SLC24A1: variants seen among roughly 807,000 people sequenced by gnomAD.
The protein encoded by SLC24A1 is solute carrier family 24 member 1.
In SLC24A1, 52 loss-of-function variants were observed where a neutral mutation model predicts 88.1. That is an observed-to-expected ratio of 0.59 (90% CI 0.47 to 0.74). The LOEUF is 0.74. SLC24A1 is among the 30% of genes least tolerant of loss of function. The probability of loss-of-function intolerance (pLI) is 0.00; values close to 1 mark genes in which losing one functional copy is unlikely to be tolerated. For synonymous variants in SLC24A1, 455 were observed against 498.0 expected (o/e 0.91, Z 1.15); for missense variants, 1,173 against 1,363.3 (o/e 0.86, Z 2.20).
chr15:65,623,043 G>A (rs2074373899), intron 1 of SLC24A1, among the ~76,000 whole-genome samples: 1 of 152,040 alleles, frequency 6.6e-6, no homozygotes, highest in Non-Finnish European at 1.5e-5. Flanking sequence ...TGCTCAGCCT[G>A]TTCAATGCTT....
chr15:65,633,589 G>A (rs2074806469), intron 2 of SLC24A1, among the ~76,000 whole-genome samples: 1 of 152,162 alleles, frequency 6.6e-6, no homozygotes, highest in Admixed American at 6.5e-5. Flanking sequence ...AAACCCAGGA[G>A]GCAGAGGTTG....
chr15:65,634,740 C>CAAAAA (rs5813364), intron 2 of SLC24A1, among the ~76,000 whole-genome samples: 126 of 90,224 alleles, frequency 1.4e-3, no homozygotes, highest in African/African-American at 2.3e-3. Context: ...TCAAAAGCAC[C>CAAAAA]AAAAAAAAAA....
chr15:65,634,578 A>G (rs1177718531), intron 2 of SLC24A1, among the ~76,000 whole-genome samples: 1 of 152,180 alleles, frequency 6.6e-6, no homozygotes, highest in African/African-American at 2.4e-5. Flanking sequence ...TTACTCATAA[A>G]TGGACTCATC....
chr15:65,657,764 C>T (rs369327909), downstream of SLC24A1, among the ~76,000 whole-genome samples: 9 of 152,234 alleles, frequency 5.9e-5, no homozygotes, highest in Admixed American at 3.3e-4. Flanking sequence ...GCAATGTGTA[C>T]GGGGACTGGA....
upstream of SLC24A1, among the ~76,000 whole-genome samples, chr15:65,619,355 T>C (rs1183947140): frequency 6.6e-6 from 1 of 152,180 alleles, no homozygotes; most frequent in African/African-American, 2.4e-5. Flanking sequence ...CTCATTTGTT[T>C]GCTTCCTAAT....
intron 1 of SLC24A1, among the ~76,000 whole-genome samples, chr15:65,622,341 T>C (rs1426410945): frequency 1.3e-5 from 2 of 152,212 alleles, no homozygotes; most frequent in Admixed American, 6.5e-5. Flanking sequence ...CTTGTCCCTC[T>C]CTTGCTTTTT....
intron 2 of SLC24A1, among the ~76,000 whole-genome samples, chr15:65,628,760 C>A (rs150861835): frequency 7.9e-5 from 12 of 152,256 alleles, no homozygotes; most frequent in Non-Finnish European, 1.6e-4. Context: ...ATACAACAAA[C>A]CATTATTATT....
intron 6 of SLC24A1, among the ~76,000 whole-genome samples, chr15:65,646,873 G>C (rs1218368964): frequency 3.3e-5 from 5 of 152,200 alleles, no homozygotes; most frequent in Admixed American, 2.6e-4. Flanking sequence ...ACATGAGTAG[G>C]TCTATTACCG....
At chr15:65,640,179 T>C (rs1395459282) in intron 4 of SLC24A1, among the ~76,000 whole-genome samples, 2 of 152,236 alleles carry the variant, frequency 1.3e-5, no homozygotes, top group South Asian at 4.1e-4. Flanking sequence ...CAGAAGTTCT[T>C]AGTGGCACTT....
chr15:65,648,645 C>T (rs2075390931), intron 6 of SLC24A1, among the ~76,000 whole-genome samples: 1 of 152,014 alleles, frequency 6.6e-6, no homozygotes, highest in South Asian at 2.1e-4. Flanking sequence ...GCATGCACCA[C>T]CACGCCTGGC....
chr15:65,644,899 G>A (rs769430091), intron 5 of SLC24A1, among the ~76,000 whole-genome samples: 1 of 152,176 alleles, frequency 6.6e-6, no homozygotes, highest in Non-Finnish European at 1.5e-5. Context: ...GGACAGTGTT[G>A]CTAGTTATTG....
chr15:65,629,876 G>A (rs1188398413), intron 2 of SLC24A1, among the ~76,000 whole-genome samples: 1 of 152,146 alleles, frequency 6.6e-6, no homozygotes, highest in Non-Finnish European at 1.5e-5. Flanking sequence ...TGGAAGCTCC[G>A]TACCCACACT....
Position 65,655,342 on chromosome 15 carries a change from G to A in SLC24A1, c.*1263G>A, listed in dbSNP as rs2075645112. 1.0e-6 allele frequency: 1 copy of A among 985,158 alleles called. No homozygotes were observed. The highest frequency in any genetic ancestry group is 1.2e-6 in the Non-Finnish European group (1 of 829,656). 61.0% of individuals were successfully genotyped at this position (985,158 alleles called of 1,614,324 possible). The stretch of plus-strand genomic sequence containing the variant: ...AAGACTGATTTCTTCTGTGGTTTAT[G>A]AATGGATCTTAAGGTAATTACAAAA... On this transcript the variant is annotated 3_prime_UTR_variant, in exon 10 of 10. Coordinates refer to ENST00000261892, the MANE Select transcript of SLC24A1 (RefSeq NM_004727.3).
chr15:65,639,926 G>A (rs910317319), intron 4 of SLC24A1, among the ~76,000 whole-genome samples: 8 of 152,204 alleles, frequency 5.3e-5, no homozygotes, highest in African/African-American at 1.9e-4. Context: ...GGAGGCTAAG[G>A]TCCTTGGGTA....
chr15:65,639,024 A>G (rs2075034200), intron 3 of SLC24A1, among the ~76,000 whole-genome samples: 1 of 152,156 alleles, frequency 6.6e-6, no homozygotes, highest in South Asian at 2.1e-4. Context: ...CCAAAACAAA[A>G]CTGAAAACTG....
chr15:65,622,435 C>T (rs535751739), intron 1 of SLC24A1, among the ~76,000 whole-genome samples: 143 of 152,322 alleles, frequency 9.4e-4, no homozygotes, highest in African/African-American at 3.3e-3. Flanking sequence ...TGGCTACTCA[C>T]TAGCTGTGTG....
chr15:65,659,344 TTTTTTTTG>T, downstream of SLC24A1: 1 of 137,380 alleles, frequency 7.3e-6, no homozygotes, highest in African/African-American at 2.7e-5. Flanking sequence ...TTTTTTTTTT[TTTTTTTTG>T]AGACAGGGTC....
chr15:65,623,064 T>C (rs2141445326), intron 1 of SLC24A1, among the ~76,000 whole-genome samples: 1 of 152,242 alleles, frequency 6.6e-6, no homozygotes, highest in Non-Finnish European at 1.5e-5. Context: ...TTCATATGTT[T>C]TTACTCGCTC....
downstream of SLC24A1, among the ~76,000 whole-genome samples, chr15:65,656,574 G>C (rs1255636717): frequency 6.6e-6 from 1 of 152,190 alleles, no homozygotes; most frequent in African/African-American, 2.4e-5. Context: ...ATAATATTGA[G>C]ATGGTCCTCT....
Sources: gnomAD v4.1 joint callset for allele counts (sites outside exome capture counted in the v4.1 genomes callset) on GRCh38, gnomAD v4.1.1 for gene constraint, MANE v1.5 for transcripts, NCBI Gene and HGNC (gene_info 2026-07-23, HGNC 2026-07-21) for gene names.